NIM1K: variants seen among roughly 807,000 people sequenced by gnomAD.
The protein encoded by NIM1K is serine/threonine-protein kinase NIM1.
NIM1K carries 35 observed loss-of-function variants against 37.1 expected under a neutral mutation model. That is an observed-to-expected ratio of 0.94 (90% CI 0.72 to 1.25). The LOEUF is 1.25. Among genes scored for constraint, NIM1K ranks in the 50% most tolerant of loss-of-function variants. NIM1K has a pLI of 0.00. For missense variants in NIM1K, 564 were observed against 548.0 expected, an observed-to-expected ratio of 1.03 and a Z score of -0.29; for synonymous variants, 234 against 206.6, an observed-to-expected ratio of 1.13 and a Z score of -1.14.
intron 1 of NIM1K, among the ~76,000 whole-genome samples, chr5:43,218,867 C>T (rs901330268): frequency 6.6e-6 from 1 of 152,062 alleles, no homozygotes; most frequent in Admixed American, 6.6e-5. Context: ...GCTGAGATTG[C>T]AGGAATGATA....
At chr5:43,263,773 C>G (rs1476708189) in intron 2 of NIM1K, among the ~76,000 whole-genome samples, 1 of 152,092 alleles carries the variant, frequency 6.6e-6, no homozygotes, top group Non-Finnish European at 1.5e-5. Flanking sequence ...TATAAATTTC[C>G]CTCTACACAC....
intron 1 of NIM1K, among the ~76,000 whole-genome samples, chr5:43,201,114 G>C (rs1752012874): frequency 8.0e-6 from 1 of 124,440 alleles, no homozygotes; most frequent in South Asian, 2.5e-4. Context: ...AACAGAGCCA[G>C]ACAACATCTC....
rs148304219 is a variant in NIM1K at position 43,224,529 on chromosome 5, T to A, written c.-694-20553T>A. On this transcript the variant is annotated intron_variant, in intron 1 of 3. Transcript: ENST00000326035. Reference sequence around the variant, plus strand: ...CTTAGTAGAAACACAGATTGTACAGTTGTCCCTCAGTAACTGAGGGATTGG... The same window carrying A: ...CTTAGTAGAAACACAGATTGTACAGATGTCCCTCAGTAACTGAGGGATTGG... Among the ~76,000 whole-genome samples, 1,030 of 151,976 alleles carry A rather than the reference T, an allele frequency of 6.8e-3. 6 individuals carry two copies. The highest frequency in any genetic ancestry group is 0.034 in the Middle Eastern group (10 of 294).
rs534131810 is a variant in NIM1K at position 43,269,420 on chromosome 5, G to A, written c.293-7637G>A. Among the ~76,000 whole-genome samples the A allele has an allele frequency of 2.3e-4, 34 of 150,504 alleles. No homozygotes were observed. In the South Asian group the frequency reaches 7.1e-3, roughly 31 times the overall value. On this transcript the variant is annotated intron_variant, in intron 2 of 3. Transcript: ENST00000326035. ...ACCTTGTGCTTGTGTGAATCCTTATGCATTAGATGAGTCTCTTGAAGACAG... is the reference window on the plus strand; with the variant it reads ...ACCTTGTGCTTGTGTGAATCCTTATACATTAGATGAGTCTCTTGAAGACAG...
At chr5:43,275,897 T>C (rs1410456127) in intron 2 of NIM1K, among the ~76,000 whole-genome samples, 1 of 115,246 alleles carries the variant, frequency 8.7e-6, no homozygotes, top group East Asian at 2.3e-4. Flanking sequence ...AATTGAGTAA[T>C]TTTTTTTTTT....
At chr5:43,220,885 G>A (rs1327382730) in intron 1 of NIM1K, among the ~76,000 whole-genome samples, 2 of 152,124 alleles carry the variant, frequency 1.3e-5, no homozygotes, top group Non-Finnish European at 2.9e-5. Context: ...TAAGCATAGG[G>A]GGGACATGAG....
chr5:43,219,584 CA>C (rs976721758), intron 1 of NIM1K, among the ~76,000 whole-genome samples: 6 of 152,078 alleles, frequency 3.9e-5, no homozygotes, highest in African/African-American at 1.4e-4. Context: ...GACAAATATC[CA>C]AATGATATCA....
rs573482548 is a variant in NIM1K at position 43,280,599 on chromosome 5, T to C, written c.1181T>C (p.Val394Ala). The change falls in exon 4 of 4, where the codon GTC becomes GCC. Residue 394 changes from valine (V) to alanine (A), a missense_variant. By Grantham distance (64) the Val-to-Ala change is moderately conservative. Transcript: ENST00000326035. ...TGVYRIILHR[V>A]QRKKALESVP... Reference sequence around the variant, plus strand: ...GTCTATAGAATTATTTTACATAGAGTCCAAAGGAAGAAGGCTTTGGAAAGT... The same window carrying C: ...GTCTATAGAATTATTTTACATAGAGCCCAAAGGAAGAAGGCTTTGGAAAGT... 8.7e-6 allele frequency: 14 copies of C among 1,613,620 alleles called. No homozygotes were observed. In the Admixed American group the frequency reaches 2.2e-4, roughly 25 times the overall value.
intron 2 of NIM1K, among the ~76,000 whole-genome samples, chr5:43,265,652 T>C (rs1240871675): frequency 1.3e-5 from 2 of 152,226 alleles, no homozygotes; most frequent in Non-Finnish European, 2.9e-5. Flanking sequence ...CGTCCAGCTT[T>C]GTTCTATGGC....
chr5:43,232,480 T>C lies in NIM1K; in HGVS notation c.-694-12602T>C, dbSNP rs1333032486. ...CAGTGATGGAGGACACAATTTGACC[T>C]ATCAACCTATTCAGTTTAGTATAGG... is the stretch of plus-strand genomic sequence containing the variant. On this transcript the variant is annotated intron_variant, in intron 1 of 3. Coordinates refer to ENST00000326035, the MANE Select transcript of NIM1K (RefSeq NM_153361.4). 4.7e-5 allele frequency: 71 copies of C among 1,507,306 alleles called. 1 individual carries two copies. In the South Asian group the frequency reaches 6.3e-4, roughly 13 times the overall value. 93.4% of individuals were successfully genotyped at this position (1,507,306 alleles called of 1,614,324 possible). A position where few individuals can be genotyped will look rare whatever the true frequency, so the allele number is the denominator to read the frequency against.
Position 43,201,516 on chromosome 5 carries a change from A to G in NIM1K, c.-695+9105A>G, listed in dbSNP as rs147107468. Among the ~76,000 whole-genome samples the G allele has an allele frequency of 1.2e-3, 182 of 152,338 alleles. 4 individuals are homozygous for G. The highest frequency in any genetic ancestry group is 5.6e-4 in the Non-Finnish European group (38 of 68,026). ...TTGTTTGAATGATGAACACTTTGTA[A>G]TATGAGGTACAATGCTAAGATATGA... On this transcript the variant is annotated intron_variant, in intron 1 of 3. Transcript: ENST00000326035.
At position 43,280,293 on chromosome 5, in the gene NIM1K, C is replaced by A. The variant is rs201716824; in HGVS notation, c.875C>A (p.Pro292Gln). The A allele has an allele frequency of 6.2e-7, 1 of 1,613,986 alleles. No homozygotes were observed. Residue 292 changes from proline (P) to glutamine (Q), a missense_variant, in exon 4 of 4, where the codon CCG becomes CAG. Coordinates refer to ENST00000326035, the MANE Select transcript of NIM1K (RefSeq NM_153361.4). The stretch of plus-strand genomic sequence containing the variant: ...CTCGAGGGCACATACAGTGTACCGC[C>A]GCACGTGTCAGAGCCCTGCCACCGA... ...SILEGTYSVP[P>Q]HVSEPCHRLI...
Position 43,245,767 on chromosome 5 carries a change from C to T in NIM1K, c.-9C>T. On this transcript the variant is annotated 5_prime_UTR_variant, in exon 2 of 4. Coordinates refer to ENST00000326035, the MANE Select transcript of NIM1K (RefSeq NM_153361.4). ...TTCGCTGAGATGGAGACGTGAGCCCCCGTGGACGATGACTGCAGTGTATAT... is the reference window on the plus strand; with the variant it reads ...TTCGCTGAGATGGAGACGTGAGCCCTCGTGGACGATGACTGCAGTGTATAT... 1.9e-6 allele frequency: 3 copies of T among 1,568,912 alleles called. No homozygotes were observed. Among genetic ancestry groups the T allele is most frequent in the South Asian group, 1.2e-5 (1 of 84,234 alleles).
At chr5:43,234,405 C>A (rs1008560165) in intron 1 of NIM1K, among the ~76,000 whole-genome samples, 5 of 152,054 alleles carry the variant, frequency 3.3e-5, no homozygotes, top group African/African-American at 1.2e-4. Context: ...TTTAGATATA[C>A]ACAAAAATGG....
Position 43,276,987 on chromosome 5 carries a change from T to A in NIM1K, c.293-70T>A, listed in dbSNP as rs7701997. On this transcript the variant is annotated intron_variant, in intron 2 of 3. Transcript: ENST00000326035. The stretch of plus-strand genomic sequence containing the variant: ...CTGTCTAGTAAAGGAAAGGAGCTGA[T>A]CCAGGTCCTCTCCAGTTCTAACTAT... The A allele has an allele frequency of 3.9e-3, 5,797 of 1,472,332 alleles. 197 individuals carry two copies. The African/African-American group carries it at 0.073, about 18-fold the overall frequency. The allele number at this position is 1,472,332 out of a possible 1,614,324, so 91.2% of individuals were successfully genotyped here. A position where few individuals can be genotyped will look rare whatever the true frequency, so the allele number is the denominator to read the frequency against.
intron 2 of NIM1K, among the ~76,000 whole-genome samples, chr5:43,254,584 C>A (rs1339636645): frequency 6.6e-6 from 1 of 152,142 alleles, no homozygotes; most frequent in Admixed American, 6.5e-5. Context: ...TCATGAAAAT[C>A]CAGGAGTGGT....
At chr5:43,278,253 C>T (rs943629378) in intron 3 of NIM1K, among the ~76,000 whole-genome samples, 1 of 152,130 alleles carries the variant, frequency 6.6e-6, no homozygotes, top group African/African-American at 2.4e-5. Flanking sequence ...CCATGTTTGT[C>T]AGGCTTGTCT....
At chr5:43,232,115 T>G (rs1752548109) in intron 1 of NIM1K, 2 of 1,053,136 alleles carry the variant, frequency 1.9e-6, no homozygotes, top group Admixed American at 3.6e-5. Context: ...AATGCCAACC[T>G]TGAAGCCAGG....
intron 1 of NIM1K, among the ~76,000 whole-genome samples, chr5:43,236,781 C>T (rs1301264652): frequency 3.3e-5 from 5 of 152,210 alleles, no homozygotes; most frequent in African/African-American, 1.2e-4. Flanking sequence ...TGGGTGTGAA[C>T]TGGATGAGGG....
Sources: allele counts gnomAD v4.1 joint callset (sites outside exome capture counted in the v4.1 genomes callset), GRCh38; gene constraint gnomAD v4.1.1; transcripts MANE v1.5; gene names NCBI Gene and HGNC (gene_info 2026-07-23, HGNC 2026-07-21).